KHDRBS2: variants seen among roughly 807,000 people sequenced by gnomAD.
KHDRBS2 encodes the protein KH RNA binding domain containing, signal transduction associated 2.
A neutral mutation model predicts 44.3 loss-of-function variants in KHDRBS2; 26 were observed. That is an observed-to-expected ratio of 0.59 (90% CI 0.43 to 0.81). The LOEUF is 0.81. KHDRBS2 is among the 40% of genes least tolerant of loss of function. The pLI is 0.00. For synonymous variants in KHDRBS2, 194 were observed against 151.1 expected (o/e 1.28, Z -2.08); for missense variants, 476 against 433.1 (o/e 1.10, Z -0.88).
chr6:62,144,243 C>A (rs1294729258), intron 2 of KHDRBS2, among the ~76,000 whole-genome samples: 1 of 151,906 alleles, frequency 6.6e-6, no homozygotes, highest in Non-Finnish European at 1.5e-5. Context: ...ACAGGGTTTG[C>A]ATTTAGAAAC....
At chr6:61,825,432 TAGCTCTG>T (rs1790683007) in intron 6 of KHDRBS2, among the ~76,000 whole-genome samples, 1 of 152,186 alleles carries the variant, frequency 6.6e-6, no homozygotes, top group African/African-American at 2.4e-5. Flanking sequence ...TCTAAATTTC[TAGCTCTG>T]ACAAATAGCA....
chr6:61,557,197 CATA>C, the KHDRBS2 span, among the ~76,000 whole-genome samples: 1 of 152,010 alleles, frequency 6.6e-6, no homozygotes, highest in Non-Finnish European at 1.5e-5. Flanking sequence ...AGAATAGGAG[CATA>C]ATAATATTGC....
At chr6:61,856,087 T>G (rs1314359923) in intron 6 of KHDRBS2, among the ~76,000 whole-genome samples, 1 of 152,178 alleles carries the variant, frequency 6.6e-6, no homozygotes, top group East Asian at 1.9e-4. Flanking sequence ...TTTCCTTTTT[T>G]GTTGTTATGT....
intron 2 of KHDRBS2, among the ~76,000 whole-genome samples, chr6:62,140,791 A>T (rs1277156751): frequency 6.6e-6 from 1 of 152,192 alleles, no homozygotes; most frequent in East Asian, 1.9e-4. Context: ...GAGAAAAACC[A>T]CAGAAGTATA....
intron 4 of KHDRBS2, among the ~76,000 whole-genome samples, chr6:61,970,323 T>C (rs1364235389): frequency 3.3e-5 from 5 of 151,942 alleles, no homozygotes. Context: ...AAACTGCATA[T>C]TTTCAGACTC....
intron 2 of KHDRBS2, among the ~76,000 whole-genome samples, chr6:62,144,741 G>A (rs1813573933): frequency 6.6e-6 from 1 of 151,890 alleles, no homozygotes; most frequent in African/African-American, 2.4e-5. Context: ...AGTAAGTACA[G>A]TGGAAAGAAT....
rs998480624 is a variant in KHDRBS2 at position 61,731,434 on chromosome 6, A to G, written c.893+1248T>C. Among the ~76,000 whole-genome samples, 4 of 152,204 alleles carry G rather than the reference A, an allele frequency of 2.6e-5. No homozygotes were observed. In the South Asian group the frequency reaches 8.3e-4, roughly 32 times the overall value. ...ACTTAAATCATACTTAGTTTTAAAG[A>G]TATCAGTTCACACTCATCTTATTTC... On this transcript the variant is annotated intron_variant, in intron 7 of 8. Coordinates refer to ENST00000281156, the MANE Select transcript of KHDRBS2 (RefSeq NM_152688.4).
At chr6:62,220,176 T>A (rs1585262660) in intron 1 of KHDRBS2, among the ~76,000 whole-genome samples, 1 of 151,572 alleles carries the variant, frequency 6.6e-6, no homozygotes, top group South Asian at 2.1e-4. Context: ...TAGAATTCTA[T>A]ACAAAATGAA....
At chr6:62,010,996 G>A (rs1226223970) in intron 3 of KHDRBS2, among the ~76,000 whole-genome samples, 1 of 151,854 alleles carries the variant, frequency 6.6e-6, no homozygotes, top group Non-Finnish European at 1.5e-5. Flanking sequence ...AAAGTGTTTT[G>A]TTTTGTTTTT....
At position 62,121,166 on chromosome 6, in the gene KHDRBS2, G is replaced by A. The variant is rs770853318; in HGVS notation, c.219+56019C>T. On this transcript the variant is annotated intron_variant, in intron 2 of 8. Transcript: ENST00000281156. Reference sequence around the variant, plus strand: ...TGTGTAATTGGCATAGACATACTTAGCAGCTGGCAGAATCCCCACATTGGC... The same window carrying A: ...TGTGTAATTGGCATAGACATACTTAACAGCTGGCAGAATCCCCACATTGGC... 7.2e-5 allele frequency among the ~76,000 whole-genome samples: 11 copies of A among 152,272 alleles called. No homozygotes were observed. The Middle Eastern group carries it at 0.01, about 141-fold the overall frequency.
the KHDRBS2 span, among the ~76,000 whole-genome samples, chr6:61,561,615 C>T: frequency 6.6e-6 from 1 of 152,124 alleles, no homozygotes; most frequent in African/African-American, 2.4e-5. Context: ...GAGCTTCTCC[C>T]CATGGTCACC....
chr6:61,594,906 AAC>A, the KHDRBS2 span, among the ~76,000 whole-genome samples: 2 of 152,124 alleles, frequency 1.3e-5, no homozygotes, highest in South Asian at 2.1e-4. Flanking sequence ...ACTGTAAAAT[AAC>A]AGTCATTCAT....
At chr6:61,998,176 T>A (rs1584055333) in intron 3 of KHDRBS2, among the ~76,000 whole-genome samples, 1 of 152,168 alleles carries the variant, frequency 6.6e-6, no homozygotes, top group East Asian at 1.9e-4. Context: ...TACTGAAAAC[T>A]TCAGAGTAGT....
chr6:61,954,435 G>GCATA (rs1336569752), intron 4 of KHDRBS2, among the ~76,000 whole-genome samples: 1 of 141,944 alleles, frequency 7.0e-6, no homozygotes, highest in African/African-American at 2.5e-5. Context: ...ATGTATGCAT[G>GCATA]CATACATATA....
chr6:61,556,872 A>ATTTTTTTTTTTTTTTT, the KHDRBS2 span, among the ~76,000 whole-genome samples: 1 of 87,456 alleles, frequency 1.1e-5, no homozygotes, highest in African/African-American at 4.2e-5. Context: ...TGAAATTGAG[A>ATTTTTTTTTTTTTTTT]TTTTTTTTTT....
chr6:62,212,452 T>A (rs938919529), intron 1 of KHDRBS2, among the ~76,000 whole-genome samples: 3 of 151,746 alleles, frequency 2.0e-5, no homozygotes, highest in African/African-American at 7.3e-5. Context: ...TGAAATATAT[T>A]AATACATTAA....
chr6:61,844,461 T>C (rs990669043), intron 6 of KHDRBS2, among the ~76,000 whole-genome samples: 5 of 152,178 alleles, frequency 3.3e-5, no homozygotes, highest in East Asian at 3.8e-4. Flanking sequence ...AGGTTCTTTA[T>C]TTTTCCCATT....
intron 6 of KHDRBS2, among the ~76,000 whole-genome samples, chr6:61,763,979 C>A (rs1278350686): frequency 6.6e-6 from 1 of 152,156 alleles, no homozygotes; most frequent in East Asian, 1.9e-4. Flanking sequence ...GCTTTCCCAC[C>A]CCCTACCCTC....
chr6:62,029,298 A>G (rs1004503106), intron 3 of KHDRBS2, among the ~76,000 whole-genome samples: 80 of 152,018 alleles, frequency 5.3e-4, no homozygotes, highest in African/African-American at 1.9e-3. Flanking sequence ...TAGGACATGT[A>G]CTGCTTGACA....
Sources: gnomAD v4.1 joint callset for allele counts (sites outside exome capture counted in the v4.1 genomes callset) on GRCh38, gnomAD v4.1.1 for gene constraint, MANE v1.5 for transcripts, NCBI Gene and HGNC (gene_info 2026-07-23, HGNC 2026-07-21) for gene names.